The following PRSS23 variants were observed in gnomAD, a reference collection of about 807,000 sequenced individuals.
PRSS23 encodes serine protease 23, also known as protease, serine 23.
PRSS23 carries 25 observed loss-of-function variants against 34.7 expected under a neutral mutation model. That is an observed-to-expected ratio of 0.72 (90% CI 0.53 to 1.01). The LOEUF is 1.01. PRSS23 is among the 50% of genes least tolerant of loss of function. The pLI is 0.00. For missense variants in PRSS23, 445 were observed against 475.6 expected (o/e 0.94, Z 0.60); for synonymous variants, 176 against 186.6 (o/e 0.94, Z 0.46).
intron 1 of PRSS23, among the ~76,000 whole-genome samples, chr11:86,805,738 G>A (rs891826485): frequency 1.3e-5 from 2 of 152,172 alleles, no homozygotes; most frequent in African/African-American, 2.4e-5. Flanking sequence ...GTGGATATTG[G>A]GAATGAGAAT....
At chr11:86,820,939 C>T (rs1209291658) in intron 1 of PRSS23, among the ~76,000 whole-genome samples, 1 of 152,130 alleles carries the variant, frequency 6.6e-6, no homozygotes, top group Admixed American at 6.5e-5. Flanking sequence ...ATTCTAAAAC[C>T]ATGAGTGCCA....
rs1442206659 is a variant in PRSS23 at position 86,896,769 on chromosome 11, G to A, written c.207-54447G>A. Among the ~76,000 whole-genome samples the A allele has an allele frequency of 5.3e-5, 8 of 152,210 alleles. No individual in the cohort carries two copies. The South Asian group carries it at 8.3e-4, about 16-fold the overall frequency. ...CAAATTCATCTTCCACTAATGCAGC[G>A]TCTACCCTGAAGCCTTGGCAAAAGC... is the stretch of plus-strand genomic sequence containing the variant. On this transcript the variant is annotated intron_variant, in intron 2 of 2. Coordinates refer to the PRSS23 transcript ENST00000533902.
intron 2 of PRSS23, among the ~76,000 whole-genome samples, chr11:86,856,653 A>C (rs1948573666): frequency 6.6e-6 from 1 of 152,232 alleles, no homozygotes; most frequent in Non-Finnish European, 1.5e-5. Context: ...CCTCATCAAC[A>C]CTATAACTAA....
At chr11:86,873,076 A>G (rs750327697) in intron 2 of PRSS23, among the ~76,000 whole-genome samples, 3 of 151,946 alleles carry the variant, frequency 2.0e-5, no homozygotes, top group Non-Finnish European at 2.9e-5. Flanking sequence ...TTCAGGGGCT[A>G]TGGTGGACAC....
chr11:86,941,125 TTC>T (rs1949204542), intron 2 of PRSS23: 1 of 152,172 alleles, frequency 6.6e-6, no homozygotes, highest in Non-Finnish European at 1.5e-5. Context: ...GGATCCTCAC[TTC>T]TCTCTTTTTC....
At chr11:86,823,736 G>T (rs1590879298) in intron 2 of PRSS23, 2 of 623,704 alleles carry the variant, frequency 3.2e-6, no homozygotes, top group East Asian at 2.8e-5. Context: ...GCCGGGCGCG[G>T]TGGCTCACGC....
intron 2 of PRSS23, among the ~76,000 whole-genome samples, chr11:86,887,408 C>CAAAAAAAAAAAAAAAAAAAA (rs1181620385): frequency 1.1e-5 from 1 of 92,574 alleles, no homozygotes; most frequent in African/African-American, 4.3e-5. Flanking sequence ...AAAAACAAAA[C>CAAAAAAAAAAAAAAAAAAAA]AAAACAAAAA....
chr11:86,843,947 A>G (rs986614857), intron 2 of PRSS23, among the ~76,000 whole-genome samples: 1 of 152,240 alleles, frequency 6.6e-6, no homozygotes, highest in East Asian at 1.9e-4. Context: ...TCATTCTACT[A>G]TAAAGACACA....
chr11:86,939,067 A>AGGAGGTG (rs745863097), intron 2 of PRSS23: 4 of 448,804 alleles, frequency 8.9e-6, no homozygotes. Context: ...GTTTAGCCCT[A>AGGAGGTG]GGAGGTGGGC....
intron 2 of PRSS23, among the ~76,000 whole-genome samples, chr11:86,878,525 G>A (rs1174884318): frequency 2.6e-5 from 4 of 152,178 alleles, no homozygotes; most frequent in Non-Finnish European, 5.9e-5. Context: ...TCGGCCTCCT[G>A]AGGTGCCAGG....
chr11:86,872,963 C>T (rs1026510965), intron 2 of PRSS23, among the ~76,000 whole-genome samples: 5 of 152,020 alleles, frequency 3.3e-5, no homozygotes, highest in African/African-American at 1.2e-4. Flanking sequence ...ATCCATGCTA[C>T]ATTGTAGGAA....
chr11:86,946,638 C>T (rs796132491), intron 2 of PRSS23: 6 of 152,680 alleles, frequency 3.9e-5, no homozygotes, highest in African/African-American at 1.4e-4. Context: ...GAAATGAAAT[C>T]TATTATGTGG....
upstream of PRSS23, among the ~76,000 whole-genome samples, chr11:86,799,926 G>A (rs1205228718): frequency 6.6e-6 from 1 of 152,222 alleles, no homozygotes; most frequent in African/African-American, 2.4e-5. Flanking sequence ...CCCTGCCATG[G>A]GAATACAGGT....
intron 2 of PRSS23, among the ~76,000 whole-genome samples, chr11:86,893,669 A>G (rs1231620207): frequency 6.6e-6 from 1 of 152,264 alleles, no homozygotes; most frequent in African/African-American, 2.4e-5. Flanking sequence ...AGATATATAC[A>G]TGCATTGTAT....
Position 86,810,127 on chromosome 11 carries a change from A to G in PRSS23, c.*1332A>G, listed in dbSNP as rs1948160990. 6.0e-6 allele frequency: 1 copy of G among 165,982 alleles called. No homozygotes were observed. Among genetic ancestry groups the G allele is most frequent in the African/African-American group, 2.4e-5 (1 of 41,476 alleles). 10.3% of individuals were successfully genotyped at this position (165,982 alleles called of 1,614,324 possible). ...AGGCCTTTACACATGTTTTATCAAT[A>G]TGATTATCAAATCACAGCATATACA... On this transcript the variant is annotated 3_prime_UTR_variant, in exon 2 of 2. Coordinates refer to ENST00000280258, the MANE Select transcript of PRSS23 (RefSeq NM_007173.6).
At chr11:86,800,740 G>T (rs1176220187) in intron 1 of PRSS23, 89 bp downstream of exon 1, 2 of 794,742 alleles carry the variant, frequency 2.5e-6, no homozygotes, top group Non-Finnish European at 3.1e-6. Flanking sequence ...GGTATGCGCG[G>T]GGTAGGGTAA....
intron 2 of PRSS23, among the ~76,000 whole-genome samples, chr11:86,864,779 C>T (rs1948639611): frequency 6.6e-6 from 1 of 152,186 alleles, no homozygotes; most frequent in African/African-American, 2.4e-5. Flanking sequence ...AGGAGAGCAC[C>T]TTTTCCAGCT....
rs549713666 is a variant in PRSS23 at position 86,950,439 on chromosome 11, G to C, written c.207-777G>C. 3 of 152,856 alleles carry C rather than the reference G, an allele frequency of 2.0e-5. No individual in the cohort carries two copies. In the East Asian group the frequency reaches 5.8e-4, roughly 29 times the overall value. 9.5% of individuals were successfully genotyped at this position (152,856 alleles called of 1,614,324 possible). A position where few individuals can be genotyped will look rare whatever the true frequency, so the allele number is the denominator to read the frequency against. ...AAGAAAACAGCAGCAGCCAAGAAGAGAGATGTTGAAATTTAAGAGAGGAAG... is the reference window on the plus strand; with the variant it reads ...AAGAAAACAGCAGCAGCCAAGAAGACAGATGTTGAAATTTAAGAGAGGAAG... On this transcript the variant is annotated intron_variant, in intron 2 of 2. Coordinates refer to the PRSS23 transcript ENST00000533902.
At chr11:86,820,070 A>T (rs1408535428) in intron 1 of PRSS23, among the ~76,000 whole-genome samples, 1 of 152,228 alleles carries the variant, frequency 6.6e-6, no homozygotes, top group Non-Finnish European at 1.5e-5. Flanking sequence ...ATTATTGCAA[A>T]TAATCTCCCA....
Sources: gnomAD v4.1 joint callset for allele counts (sites outside exome capture counted in the v4.1 genomes callset) on GRCh38, gnomAD v4.1.1 for gene constraint, MANE v1.5 for transcripts, NCBI Gene and HGNC (gene_info 2026-07-23, HGNC 2026-07-21) for gene names.